Variants in THAP4 observed in about 807,000 individuals in gnomAD.
THAP4 encodes peroxynitrite isomerase THAP4.
THAP4 carries 18 observed loss-of-function variants against 48.1 expected under a neutral mutation model. That is an observed-to-expected ratio of 0.37 (90% CI 0.26 to 0.56). The LOEUF is 0.56. THAP4 is among the 20% of genes least tolerant of loss of function. The pLI, the probability that THAP4 is intolerant of heterozygous loss-of-function variation, is 0.78. For missense variants in THAP4, 656 were observed against 774.9 expected (o/e 0.85, Z 1.82); for synonymous variants, 345 against 324.9 (o/e 1.06, Z -0.66).
intron 5 of THAP4, among the ~76,000 whole-genome samples, chr2:241,587,692 T>G (rs2066909929): frequency 6.6e-6 from 1 of 152,046 alleles, no homozygotes; most frequent in African/African-American, 2.4e-5. Context: ...ATTTAAAAAA[T>G]TCTCAATTAT....
At chr2:241,620,076 C>A (rs370784127) in intron 2 of THAP4, among the ~76,000 whole-genome samples, 2 of 16,144 alleles carry the variant, frequency 1.2e-4, no homozygotes, top group Admixed American at 9.1e-4. Context: ...GTGAGTGAGT[C>A]GTGAGTGAGG....
intron 2 of THAP4, among the ~76,000 whole-genome samples, chr2:241,622,586 G>C (rs954731606): frequency 1.3e-5 from 2 of 150,918 alleles, no homozygotes; most frequent in African/African-American, 4.9e-5. Flanking sequence ...TGACCTAACA[G>C]AAAACAAACA....
intron 2 of THAP4, among the ~76,000 whole-genome samples, chr2:241,615,235 C>G (rs1256734454): frequency 6.6e-6 from 1 of 152,134 alleles, no homozygotes; most frequent in Non-Finnish European, 1.5e-5. Context: ...AGAACCTGGA[C>G]CGCTGGACGT....
chr2:241,589,902 G>C (rs1173642651), intron 5 of THAP4, among the ~76,000 whole-genome samples: 1 of 152,144 alleles, frequency 6.6e-6, no homozygotes, highest in African/African-American at 2.4e-5. Context: ...GTTTCAGTGA[G>C]GAAAGGAGAC....
chr2:241,633,497 G>A lies in THAP4; in HGVS notation c.660C>T (p.Asp220=), dbSNP rs1441849029. 1.4e-5 allele frequency: 23 copies of A among 1,614,006 alleles called. No individual in the cohort carries two copies. The highest frequency in any genetic ancestry group is 1.9e-5 in the Non-Finnish European group (23 of 1,180,034). The stretch of plus-strand genomic sequence containing the variant: ...ACGCCCCAGATCCTGGGGGCGTAAA[G>A]TCATCCATAGAAATGCCACTCTTAT... ...VTDKSGISMD[D]FTPPGSGACK... The change falls in exon 2 of 6, where the codon GAC becomes GAT. Residue 220 remains aspartate (D), a synonymous_variant. Coordinates refer to ENST00000407315, the MANE Select transcript of THAP4 (RefSeq NM_015963.6). The surrounding 1 kb of genome is among the most constrained non-coding windows in gnomAD (Gnocchi z 7.5).
intron 2 of THAP4, chr2:241,617,466 T>C (rs562138903): frequency 7.7e-6 from 12 of 1,550,712 alleles, no homozygotes; most frequent in Admixed American, 2.0e-5. Context: ...CAAGGTTGTT[T>C]TCTGCCAATT....
intron 2 of THAP4, among the ~76,000 whole-genome samples, chr2:241,625,813 A>AG (rs780340758): frequency 0.13 from 18,241 of 141,460 alleles, 1,823 homozygotes; most frequent in South Asian, 0.36. Flanking sequence ...AAAAAAAAAA[A>AG]AAAAAAAAAA....
intron 2 of THAP4, among the ~76,000 whole-genome samples, chr2:241,625,593 G>A (rs756165628): frequency 1.3e-5 from 2 of 150,862 alleles, no homozygotes; most frequent in African/African-American, 2.4e-5. Context: ...TCAGGAGATC[G>A]AGACCATCCA....
chr2:241,622,558 T>C (rs962545214), intron 2 of THAP4, among the ~76,000 whole-genome samples: 1 of 151,746 alleles, frequency 6.6e-6, no homozygotes, highest in Non-Finnish European at 1.5e-5. Context: ...TAAAATAAAA[T>C]CTTTTCTTAT....
chr2:241,632,551 T>G (rs1208196546), intron 2 of THAP4, among the ~76,000 whole-genome samples: 2 of 152,250 alleles, frequency 1.3e-5, no homozygotes, highest in Non-Finnish European at 2.9e-5. Flanking sequence ...GTTTACTCTC[T>G]TATTTTCCAT....
At chr2:241,605,411 T>TA (rs1163400573) in intron 3 of THAP4, among the ~76,000 whole-genome samples, 2 of 152,136 alleles carry the variant, frequency 1.3e-5, no homozygotes, top group Non-Finnish European at 2.9e-5. Flanking sequence ...GTTTAAACTT[T>TA]AAAAAAACTG....
chr2:241,621,494 G>A (rs2067428472), intron 2 of THAP4, among the ~76,000 whole-genome samples: 1 of 152,118 alleles, frequency 6.6e-6, no homozygotes, highest in South Asian at 2.1e-4. Flanking sequence ...AACCAAAAAT[G>A]CTAACTGAAA....
intron 5 of THAP4, among the ~76,000 whole-genome samples, chr2:241,597,376 C>G (rs1367548653): frequency 6.6e-6 from 1 of 152,118 alleles, no homozygotes; most frequent in Non-Finnish European, 1.5e-5. Context: ...TCAGGTAATC[C>G]ACCTGCCTCA....
At chr2:241,602,188 G>A in intron 4 of THAP4, 189 bp from the exon 5 acceptor site, 1 of 618,496 alleles carries the variant, frequency 1.6e-6, no homozygotes, top group Non-Finnish European at 2.8e-6. Context: ...TCTCCTCACA[G>A]AACAGGCAGG....
In THAP4 at chr2:241,584,736, G is replaced by T; in HGVS notation, c.1615-11C>A. On this transcript the variant is annotated splice_polypyrimidine_tract_variant and intron_variant, in intron 5 of 5. Transcript: ENST00000407315. ...GAACTTCCGGGTGATCTGAGCAGGAGAATGGAACAAAGATAGCTTAGTTTT... is the reference window on the plus strand; with the variant it reads ...GAACTTCCGGGTGATCTGAGCAGGATAATGGAACAAAGATAGCTTAGTTTT... 1 of 1,614,210 alleles carries T rather than the reference G, an allele frequency of 6.2e-7. No homozygotes were observed. Among genetic ancestry groups the T allele is most frequent in the Non-Finnish European group, 8.5e-7 (1 of 1,180,018 alleles).
intron 2 of THAP4, among the ~76,000 whole-genome samples, chr2:241,623,856 A>T (rs1196953156): frequency 6.6e-6 from 1 of 152,220 alleles, no homozygotes; most frequent in Admixed American, 6.5e-5. Context: ...CTTTCTCTAT[A>T]CGCACACTCA....
intron 2 of THAP4, among the ~76,000 whole-genome samples, chr2:241,619,034 C>T (rs548111848): frequency 6.6e-6 from 1 of 152,276 alleles, no homozygotes; most frequent in East Asian, 1.9e-4. Flanking sequence ...AAGGGAAAGA[C>T]ACGTGTGAAG....
Position 241,633,221 on chromosome 2 carries a change from G to A in THAP4, c.936C>T (p.Ala312=), listed in dbSNP as rs1475815656. The part of the protein sequence containing the change: ...APPADVTPKP[A]TEAVQSEHSD... ...TGTGCTCGCTCTGCACGGCTTCCGTGGCTGGCTTTGGGGTGACGTCGGCAG... is the reference window on the plus strand; with the variant it reads ...TGTGCTCGCTCTGCACGGCTTCCGTAGCTGGCTTTGGGGTGACGTCGGCAG... Residue 312 remains alanine, a synonymous_variant, in exon 2 of 6, where the codon GCC becomes GCT. Coordinates refer to ENST00000407315, the MANE Select transcript of THAP4 (RefSeq NM_015963.6). This position sits in a 1 kb window ranked among gnomAD's most constrained non-coding sequence, Gnocchi z 7.5. 2 of 1,609,462 alleles carry A rather than the reference G, an allele frequency of 1.2e-6. No individual in the cohort carries two copies. The highest frequency in any genetic ancestry group is 1.7e-6 in the Non-Finnish European group (2 of 1,177,568).
chr2:241,597,986 A>C (rs1335023596), intron 5 of THAP4, among the ~76,000 whole-genome samples: 1 of 152,106 alleles, frequency 6.6e-6, no homozygotes, highest in Non-Finnish European at 1.5e-5. Context: ...AACAAAAAAA[A>C]AAAAACAAAA....
Sources: allele counts gnomAD v4.1 joint callset (sites outside exome capture counted in the v4.1 genomes callset), GRCh38; gene constraint gnomAD v4.1.1; non-coding constraint Gnocchi (gnomAD v3.1); transcripts MANE v1.5; gene names NCBI Gene and HGNC (gene_info 2026-07-23, HGNC 2026-07-21).